Variants in ZIM2 observed in about 807,000 individuals in gnomAD.
ZIM2 encodes the protein zinc finger protein 656.
A neutral mutation model predicts 38.6 loss-of-function variants in ZIM2; 14 were observed. The ratio of observed to expected loss-of-function variants is 0.36; its 90% CI spans 0.24 to 0.57. The LOEUF (loss-of-function observed/expected upper bound fraction) is 0.57, where lower values mean the gene tolerates loss of function less well. Ranked by LOEUF, ZIM2 falls within the 20% of genes least tolerant of loss-of-function variation. ZIM2 has a pLI of 0.81. For missense variants in ZIM2, 680 were observed against 695.1 expected (o/e 0.98, Z 0.24); for synonymous variants, 247 against 245.8 (o/e 1.00, Z -0.04).
intron 11 of ZIM2, among the ~76,000 whole-genome samples, chr19:56,780,930 C>T (rs2046303596): frequency 6.6e-6 from 1 of 152,072 alleles, no homozygotes; most frequent in South Asian, 2.1e-4. Flanking sequence ...AGACAATGTC[C>T]CAGGTGATAT....
intron 1 of ZIM2, among the ~76,000 whole-genome samples, chr19:56,838,884 A>G (rs2062565086): frequency 6.6e-6 from 1 of 152,144 alleles, no homozygotes; most frequent in Non-Finnish European, 1.5e-5. Context: ...CCTATGCGGC[A>G]AACCGCAGCC....
chr19:56,810,651 T>G, intron 9 of ZIM2: 1 of 957,006 alleles, frequency 1.0e-6, no homozygotes, highest in African/African-American at 1.8e-5. Flanking sequence ...AGACAAAATA[T>G]TTAACCAAAT....
At chr19:56,796,435 C>T (rs117840039) in intron 9 of ZIM2, among the ~76,000 whole-genome samples, 121 of 152,264 alleles carry the variant, frequency 7.9e-4, no homozygotes, top group Admixed American at 1.3e-3. Context: ...GATGATGTCT[C>T]ACTCTGTCAC....
chr19:56,782,474 G>A, intron 10 of ZIM2: 1 of 458,114 alleles, frequency 2.2e-6, no homozygotes, highest in Non-Finnish European at 4.4e-6. Flanking sequence ...GGTCCCACCT[G>A]TAAAACAAAG....
At chr19:56,781,237 G>A (rs547619582) in intron 11 of ZIM2, among the ~76,000 whole-genome samples, 1 of 147,836 alleles carries the variant, frequency 6.8e-6, no homozygotes, top group East Asian at 1.9e-4. Context: ...CTTGCCAGTG[G>A]AACAGTGTTT....
intron 3 of ZIM2, 144 bp from the exon 4 acceptor site, chr19:56,824,571 T>C: frequency 1.2e-6 from 2 of 1,614,146 alleles, no homozygotes; most frequent in Non-Finnish European, 1.7e-6. Flanking sequence ...TCCGGCTCCT[T>C]AGTCAAGTCA....
intron 8 of ZIM2, 97 bp from the exon 9 acceptor site, chr19:56,817,935 G>A: frequency 1.1e-6 from 1 of 895,236 alleles, no homozygotes; most frequent in Non-Finnish European, 1.8e-6. Flanking sequence ...CACTAAATAT[G>A]AGGTGGCCCA....
Position 56,800,350 on chromosome 19 carries a change from G to A in ZIM2, c.491-10399C>T, listed in dbSNP as rs149777309. On this transcript the variant is annotated intron_variant, in intron 9 of 12. Coordinates refer to ENST00000629319, the MANE Select transcript of ZIM2 (RefSeq NM_001387356.1). ...TGTTGGGTGTTTTCCAATTAAAAATGGGTTATAATATGAAAAAAACATGTT... is the reference window on the plus strand; with the variant it reads ...TGTTGGGTGTTTTCCAATTAAAAATAGGTTATAATATGAAAAAAACATGTT... 6.5e-3 allele frequency among the ~76,000 whole-genome samples: 986 copies of A among 152,020 alleles called. 9 individuals are homozygous for A. The highest frequency in any genetic ancestry group is 0.022 in the African/African-American group (929 of 41,488).
At chr19:56,775,733 A>G (rs913062208) in intron 12 of ZIM2, among the ~76,000 whole-genome samples, 5 of 152,284 alleles carry the variant, frequency 3.3e-5, no homozygotes, top group African/African-American at 1.2e-4. Flanking sequence ...AAAGAGACCA[A>G]GGATAACAAA....
intron 9 of ZIM2, among the ~76,000 whole-genome samples, chr19:56,801,570 TCA>T (rs2047527662): frequency 6.6e-6 from 1 of 152,190 alleles, no homozygotes; most frequent in South Asian, 2.1e-4. Context: ...TTTCAAAACC[TCA>T]TTCAGAATAG....
At chr19:56,816,198 C>A in intron 9 of ZIM2, 1 of 1,614,182 alleles carries the variant, frequency 6.2e-7, no homozygotes, top group Non-Finnish European at 8.5e-7. Flanking sequence ...TGGTGAACGC[C>A]TTTTCGTCCT....
At chr19:56,815,944 G>C (rs1568631067) in intron 9 of ZIM2, 1 of 1,600,930 alleles carries the variant, frequency 6.2e-7, no homozygotes, top group Admixed American at 1.7e-5. Context: ...ATGGATAACA[G>C]ACCTACTGTA....
At chr19:56,835,178 C>T (rs1484580628) in intron 2 of ZIM2, among the ~76,000 whole-genome samples, 2 of 152,186 alleles carry the variant, frequency 1.3e-5, no homozygotes, top group Admixed American at 1.3e-4. Flanking sequence ...TGCGTCCACC[C>T]TCCCCTTCTG....
chr19:56,787,433 G>A (rs986320792), intron 10 of ZIM2, among the ~76,000 whole-genome samples: 8 of 152,076 alleles, frequency 5.3e-5, no homozygotes, highest in East Asian at 1.9e-4. Flanking sequence ...GTGCCACCAC[G>A]CCCAGCTAAT....
At position 56,823,555 on chromosome 19, in the gene ZIM2, C is replaced by A. The variant is rs764999449; in HGVS notation, c.106+35G>T. The A allele has an allele frequency of 2.5e-5, 40 of 1,612,680 alleles. No individual in the cohort carries two copies. The South Asian group carries it at 3.1e-4, about 12-fold the overall frequency. On this transcript the variant is annotated intron_variant, in intron 5 of 12. Coordinates refer to ENST00000629319, the MANE Select transcript of ZIM2 (RefSeq NM_001387356.1). ...TCCATCTGGAAGCATCTGGCAGCGCCTGCCCATGGGTGACCAGTGGGGATG... is the reference window on the plus strand; with the variant it reads ...TCCATCTGGAAGCATCTGGCAGCGCATGCCCATGGGTGACCAGTGGGGATG...
At chr19:56,839,573 G>C (rs532540046) in intron 1 of ZIM2, among the ~76,000 whole-genome samples, 2 of 148,690 alleles carry the variant, frequency 1.3e-5, no homozygotes, top group South Asian at 2.2e-4. Context: ...GGGCCTGAGT[G>C]GATAGTTACC....
At chr19:56,824,784 G>GT in intron 3 of ZIM2, 1 of 904,034 alleles carries the variant, frequency 1.1e-6, no homozygotes, top group Non-Finnish European at 1.7e-6. Flanking sequence ...AGAAGTTGAA[G>GT]ACCAGGCAGC....
intron 10 of ZIM2, among the ~76,000 whole-genome samples, chr19:56,783,835 T>TG (rs1330235601): frequency 6.6e-6 from 1 of 151,078 alleles, no homozygotes; most frequent in Non-Finnish European, 1.5e-5. Context: ...AAAATAAAAG[T>TG]GAAAAAAAAA....
intron 9 of ZIM2, among the ~76,000 whole-genome samples, chr19:56,805,484 A>C (rs956695209): frequency 6.6e-6 from 1 of 152,138 alleles, no homozygotes; most frequent in Non-Finnish European, 1.5e-5. Flanking sequence ...TGCTTTATCT[A>C]AGTGTCTCCC....
Sources: gnomAD v4.1 joint callset for allele counts (sites outside exome capture counted in the v4.1 genomes callset) on GRCh38, gnomAD v4.1.1 for gene constraint, MANE v1.5 for transcripts, NCBI Gene and HGNC (gene_info 2026-07-23, HGNC 2026-07-21) for gene names.